Variants in PPP3CA observed in about 807,000 individuals in gnomAD.
The protein encoded by PPP3CA is protein phosphatase 3 catalytic subunit alpha.
PPP3CA carries 14 observed loss-of-function variants against 66.5 expected under a neutral mutation model. The ratio of observed to expected loss-of-function variants is 0.21; its 90% CI spans 0.14 to 0.33. The LOEUF is 0.33. Ranked by LOEUF, PPP3CA falls within the 10% of genes least tolerant of loss-of-function variation. PPP3CA has a pLI of 1.00. For synonymous variants in PPP3CA, 232 were observed against 226.2 expected (o/e 1.03, Z -0.23); for missense variants, 317 against 639.5 (o/e 0.50, Z 5.44).
intron 8 of PPP3CA, among the ~76,000 whole-genome samples, chr4:101,070,293 A>G (rs986001280): frequency 6.6e-6 from 1 of 152,176 alleles, no homozygotes; most frequent in Non-Finnish European, 1.5e-5. Context: ...AAAAGAGAGG[A>G]AAGAAACACA....
At chr4:101,175,124 A>G (rs1348442153) in intron 2 of PPP3CA, among the ~76,000 whole-genome samples, 1 of 152,178 alleles carries the variant, frequency 6.6e-6, no homozygotes, top group African/African-American at 2.4e-5. Context: ...TAAAACAAAG[A>G]CTAAAGAAAA....
At chr4:101,311,515 T>C (rs974303985) in intron 1 of PPP3CA, among the ~76,000 whole-genome samples, 2 of 152,120 alleles carry the variant, frequency 1.3e-5, no homozygotes, top group African/African-American at 4.8e-5. Flanking sequence ...CACAGTGGCT[T>C]ATGCTTGTGA....
intron 13 of PPP3CA, 79 bp downstream of exon 13, chr4:101,029,087 G>T: frequency 7.2e-7 from 1 of 1,391,934 alleles, no homozygotes; most frequent in Non-Finnish European, 1.0e-6. Flanking sequence ...CTCTGTACAA[G>T]CTACAGCAAA....
intron 10 of PPP3CA, among the ~76,000 whole-genome samples, chr4:101,055,862 ATAT>A (rs1486409864): frequency 6.6e-6 from 1 of 151,894 alleles, no homozygotes; most frequent in Admixed American, 6.6e-5. Context: ...GTATACTTAT[ATAT>A]TGTTATATTT....
At position 101,347,089 on chromosome 4, in the gene PPP3CA, G is replaced by C. The variant is rs1047970532; in HGVS notation, c.-293C>G. Reference sequence around the variant, plus strand: ...TATTTATTTTCTGAGCACGCCTCCCGGTTCTTCTTTTATTCTTGGGGGAAG... The same window carrying C: ...TATTTATTTTCTGAGCACGCCTCCCCGTTCTTCTTTTATTCTTGGGGGAAG... On this transcript the variant is annotated 5_prime_UTR_variant, in exon 1 of 14. Transcript: ENST00000394854. The C allele has an allele frequency of 7.5e-6, 4 of 533,086 alleles. No individual in the cohort carries two copies. The highest frequency in any genetic ancestry group is 6.1e-5 in the African/African-American group (3 of 48,914). The allele number at this position is 533,086 out of a possible 1,614,324, so 33.0% of individuals were successfully genotyped here.
intron 10 of PPP3CA, among the ~76,000 whole-genome samples, chr4:101,047,998 A>C (rs1227957182): frequency 6.6e-6 from 1 of 152,142 alleles, no homozygotes; most frequent in African/African-American, 2.4e-5. Flanking sequence ...TTAATGATAA[A>C]GAGGGGAGGG....
At chr4:101,149,776 T>G (rs1175921976) in intron 2 of PPP3CA, among the ~76,000 whole-genome samples, 1 of 152,188 alleles carries the variant, frequency 6.6e-6, no homozygotes, top group Non-Finnish European at 1.5e-5. Flanking sequence ...AATAGCACTC[T>G]CAAGATTTCA....
At chr4:101,316,342 G>C (rs186587893) in intron 1 of PPP3CA, among the ~76,000 whole-genome samples, 53 of 150,514 alleles carry the variant, frequency 3.5e-4, no homozygotes, top group Non-Finnish European at 6.6e-4. Flanking sequence ...CATATCCAGA[G>C]TTATTTCTTA....
chr4:101,334,300 A>G (rs1024531691), intron 1 of PPP3CA, among the ~76,000 whole-genome samples: 3 of 152,048 alleles, frequency 2.0e-5, no homozygotes, highest in Admixed American at 1.3e-4. Context: ...ACGCACAGCT[A>G]ATTTTTATAT....
At chr4:101,103,620 G>A (rs1192223149) in intron 3 of PPP3CA, among the ~76,000 whole-genome samples, 4 of 152,168 alleles carry the variant, frequency 2.6e-5, no homozygotes, top group Non-Finnish European at 4.4e-5. Flanking sequence ...TCTGGTCTAC[G>A]AATTCACAGC....
chr4:101,273,364 G>A (rs1727392015), intron 1 of PPP3CA, among the ~76,000 whole-genome samples: 1 of 151,950 alleles, frequency 6.6e-6, no homozygotes, highest in South Asian at 2.1e-4. Flanking sequence ...TGCAGCCTGA[G>A]TGACAGAGTG....
At chr4:101,153,582 G>A (rs981524568) in intron 2 of PPP3CA, among the ~76,000 whole-genome samples, 7 of 152,158 alleles carry the variant, frequency 4.6e-5, no homozygotes, top group Non-Finnish European at 8.8e-5. Flanking sequence ...TCAACAAAGA[G>A]GGTGTCAAAA....
chr4:101,330,317 T>G (rs777161984), intron 1 of PPP3CA: 9 of 442,272 alleles, frequency 2.0e-5, no homozygotes, highest in Admixed American at 3.3e-5. Flanking sequence ...GGATAAGGAG[T>G]TGCTTCTCAA....
intron 1 of PPP3CA, among the ~76,000 whole-genome samples, chr4:101,244,586 T>TC (rs1451569617): frequency 6.6e-6 from 1 of 152,046 alleles, no homozygotes; most frequent in African/African-American, 2.4e-5. Flanking sequence ...CTATACGCCC[T>TC]CCCCCGTGGT....
At chr4:101,345,110 C>T (rs572418014) in intron 1 of PPP3CA, among the ~76,000 whole-genome samples, 11 of 152,214 alleles carry the variant, frequency 7.2e-5, no homozygotes, top group African/African-American at 2.6e-4. Context: ...AGCCCTATTT[C>T]GAATCATTTT....
chr4:101,029,362 AAAAAAAAAAAG>A (rs1279952425), intron 12 of PPP3CA, among the ~76,000 whole-genome samples, 167 bp from the exon 13 acceptor site: 1 of 104,636 alleles, frequency 9.6e-6, no homozygotes, highest in East Asian at 2.0e-4. Flanking sequence ...AAAAAAAAAA[AAAAAAAAAAAG>A]AAAAAAAATG....
At chr4:101,160,442 A>G (rs1178127103) in intron 2 of PPP3CA, among the ~76,000 whole-genome samples, 4 of 152,172 alleles carry the variant, frequency 2.6e-5, no homozygotes, top group Non-Finnish European at 5.9e-5. Flanking sequence ...ACTTGGTCAA[A>G]AACAATAATT....
intron 2 of PPP3CA, among the ~76,000 whole-genome samples, chr4:101,118,236 A>G (rs1721909118): frequency 6.6e-6 from 1 of 152,002 alleles, no homozygotes; most frequent in Non-Finnish European, 1.5e-5. Context: ...GTATAGTGCA[A>G]TGGTTAGGAA....
chr4:101,305,345 T>A lies in PPP3CA; in HGVS notation c.58+41394A>T, dbSNP rs145567543. On this transcript the variant is annotated intron_variant, in intron 1 of 13. Transcript: ENST00000394854. ...TTTCAGTCACATGTTTCAGAGGAGATCAAAAGAAACACTTTCCACATAACT... is the reference window on the plus strand; with the variant it reads ...TTTCAGTCACATGTTTCAGAGGAGAACAAAAGAAACACTTTCCACATAACT... Among the ~76,000 whole-genome samples, 450 of 152,272 alleles carry A rather than the reference T, an allele frequency of 3.0e-3. 4 individuals are homozygous for A. Among genetic ancestry groups the A allele is most frequent in the African/African-American group, 0.01 (427 of 41,550 alleles).
Sources: gnomAD v4.1 joint callset for allele counts (sites outside exome capture counted in the v4.1 genomes callset) on GRCh38, gnomAD v4.1.1 for gene constraint, MANE v1.5 for transcripts, NCBI Gene and HGNC (gene_info 2026-07-23, HGNC 2026-07-21) for gene names.